The following MAP3K14 variants were observed in gnomAD, a reference collection of about 807,000 sequenced individuals.
MAP3K14 encodes NF-kappa-beta-inducing kinase.
In MAP3K14, 16 loss-of-function variants were observed where a neutral mutation model predicts 99.2. That is an observed-to-expected ratio of 0.16 (90% CI 0.11 to 0.24). MAP3K14 has a LOEUF of 0.24. Among genes scored for constraint, MAP3K14 ranks in the 10% least tolerant of loss-of-function variants. MAP3K14 has a pLI of 1.00. For missense variants in MAP3K14, 784 were observed against 1,208.7 expected (o/e 0.65, Z 5.21); for synonymous variants, 462 against 492.4 (o/e 0.94, Z 0.82).
intron 1 of MAP3K14, among the ~76,000 whole-genome samples, chr17:45,300,086 C>T (rs537399160): frequency 2.0e-4 from 31 of 152,282 alleles, no homozygotes; most frequent in Admixed American, 1.8e-3. Flanking sequence ...GAGACTCCAT[C>T]TCAAAAAAAC....
At chr17:45,309,800 A>C (rs1272480566) in intron 1 of MAP3K14, among the ~76,000 whole-genome samples, 1 of 152,262 alleles carries the variant, frequency 6.6e-6, no homozygotes, top group Admixed American at 6.5e-5. Flanking sequence ...ATTGCTTGAG[A>C]AGATAACCCT....
intron 6 of MAP3K14, among the ~76,000 whole-genome samples, chr17:45,279,943 G>A (rs770847153): frequency 6.6e-6 from 1 of 152,102 alleles, no homozygotes; most frequent in African/African-American, 2.4e-5. Flanking sequence ...TTCTAAACAC[G>A]TGTCCAGGAC....
rs1378642580 is a variant in MAP3K14 at position 45,287,360 on chromosome 17, A to G, written c.331T>C (p.Ser111Pro). 1.2e-6 allele frequency: 2 copies of G among 1,613,720 alleles called. No individual in the cohort carries two copies. Among genetic ancestry groups the G allele is most frequent in the African/African-American group, 2.7e-5 (2 of 74,896 alleles). Residue 111 changes from serine (S) to proline (P), a missense_variant, in exon 4 of 16, where the codon TCC (serine) becomes CCC (proline). By Grantham distance (74) the Ser-to-Pro change is moderately conservative. This residue lies in a region of MAP3K14 where 188 missense variants were observed against 313.0 expected (regional missense o/e 0.60). Coordinates refer to ENST00000344686, the MANE Select transcript of MAP3K14 (RefSeq NM_003954.5). ...FIAGSKQYSQSESLDQIPNNV... is the reference protein window; with the variant it reads ...FIAGSKQYSQPESLDQIPNNV... ...TTGGGGATCTGATCAAGACTCTCGG[A>G]CTGGCTGTCACAAAAGGGACAGATT...
intron 1 of MAP3K14, among the ~76,000 whole-genome samples, chr17:45,305,253 C>T (rs193082873): frequency 4.3e-4 from 66 of 152,038 alleles, no homozygotes; most frequent in Non-Finnish European, 8.1e-4. Context: ...CCCGCCACCA[C>T]GCTCAGCTAA....
intron 8 of MAP3K14, chr17:45,273,820 C>T (rs969043801): frequency 6.0e-6 from 4 of 664,914 alleles, no homozygotes; most frequent in African/African-American, 1.8e-5. Context: ...GGCAAAGGGA[C>T]AGGAGCAGGG....
intron 1 of MAP3K14, among the ~76,000 whole-genome samples, chr17:45,312,103 G>C (rs759993639): frequency 6.6e-6 from 1 of 152,258 alleles, no homozygotes; most frequent in Admixed American, 6.5e-5. Flanking sequence ...GACTTTCTCT[G>C]CAACTGTGCT....
intron 8 of MAP3K14, 57 bp downstream of exon 8, chr17:45,274,066 A>G (rs560763631): frequency 1.3e-6 from 2 of 1,584,842 alleles, no homozygotes; most frequent in Admixed American, 3.4e-5. Flanking sequence ...GAGATCAGAC[A>G]GGATGGTGTG....
At chr17:45,289,475 T>C (rs8073721) in intron 2 of MAP3K14, among the ~76,000 whole-genome samples, 170 bp from the exon 3 acceptor site, 239 of 152,174 alleles carry the variant, frequency 1.6e-3, no homozygotes, top group African/African-American at 5.4e-3. Flanking sequence ...GCACTGTCTC[T>C]CCCCAGCTTC....
At chr17:45,312,914 C>T (rs965760308) in intron 1 of MAP3K14, among the ~76,000 whole-genome samples, 2 of 152,194 alleles carry the variant, frequency 1.3e-5, no homozygotes, top group Admixed American at 6.5e-5. Flanking sequence ...TGCTGATCTA[C>T]ATGCCATACA....
At chr17:45,296,572 G>C (rs1189052826) in intron 1 of MAP3K14, among the ~76,000 whole-genome samples, 1 of 152,162 alleles carries the variant, frequency 6.6e-6, no homozygotes, top group Non-Finnish European at 1.5e-5. Flanking sequence ...CCAAGGGCAA[G>C]TATCAGGCAG....
intron 14 of MAP3K14, 34 bp downstream of exon 14, chr17:45,266,503 G>A (rs773453246): frequency 6.3e-6 from 10 of 1,578,002 alleles, no homozygotes; most frequent in African/African-American, 5.4e-5. Flanking sequence ...CAGCTGCCAC[G>A]GGGACTGCTG....
In MAP3K14 at chr17:45,265,283, A is replaced by C. The variant is rs757872374; in HGVS notation, c.2579-20T>G. 14 of 1,551,666 alleles carry C rather than the reference A, an allele frequency of 9.0e-6. No homozygotes were observed. Among genetic ancestry groups the C allele is most frequent in the Non-Finnish European group, 1.2e-5 (13 of 1,123,090 alleles). On this transcript the variant is annotated intron_variant, in intron 14 of 15. Transcript: ENST00000344686. ...TCACACCTAGAAGGCGGACAAGGTGATAGTCAGGAGAGCGGCTGCTGGCTC... is the reference window on the plus strand; with the variant it reads ...TCACACCTAGAAGGCGGACAAGGTGCTAGTCAGGAGAGCGGCTGCTGGCTC...
intron 1 of MAP3K14, among the ~76,000 whole-genome samples, chr17:45,302,577 C>T (rs1231313203): frequency 4.0e-5 from 6 of 151,394 alleles, no homozygotes; most frequent in African/African-American, 7.3e-5. Context: ...CAAAGTGCTG[C>T]GATTACAGGC....
intron 9 of MAP3K14, among the ~76,000 whole-genome samples, 156 bp downstream of exon 9, chr17:45,273,347 A>G (rs2044154303): frequency 3.9e-5 from 6 of 152,202 alleles, no homozygotes; most frequent in Admixed American, 3.9e-4. Flanking sequence ...ATTTACGCGT[A>G]ACAAAGAAAC....
chr17:45,302,575 T>C (rs1189392182), intron 1 of MAP3K14, among the ~76,000 whole-genome samples: 1 of 152,218 alleles, frequency 6.6e-6, no homozygotes, highest in Non-Finnish European at 1.5e-5. Context: ...CCCAAAGTGC[T>C]GCGATTACAG....
chr17:45,290,726 G>C lies in MAP3K14; in HGVS notation c.20C>G (p.Ala7Gly). The C allele has an allele frequency of 6.2e-7, 1 of 1,613,082 alleles. No homozygotes were observed. The highest frequency in any genetic ancestry group is 8.5e-7 in the Non-Finnish European group (1 of 1,179,542). Residue 7 changes from alanine to glycine, a missense_variant, in exon 2 of 16, where the codon GCC (alanine) becomes GGC (glycine). By Grantham distance (60) the Ala-to-Gly change is moderately conservative. Coordinates refer to ENST00000344686, the MANE Select transcript of MAP3K14 (RefSeq NM_003954.5). ...TGCTGAGCCAGGGGCACCTGGGCAGGCCATTTCCATCACTGCCATCTCCCA... is the reference window on the plus strand; with the variant it reads ...TGCTGAGCCAGGGGCACCTGGGCAGCCCATTTCCATCACTGCCATCTCCCA... Reference protein sequence around the residue: MAVMEMACPGAPGSAVG... With the variant: MAVMEMGCPGAPGSAVG...
chr17:45,306,952 G>A (rs2044435051), intron 1 of MAP3K14, among the ~76,000 whole-genome samples: 1 of 152,174 alleles, frequency 6.6e-6, no homozygotes, highest in Non-Finnish European at 1.5e-5. Context: ...AATGTTTAAT[G>A]TATATTGTAT....
At position 45,286,478 on chromosome 17, in the gene MAP3K14, C is replaced by T. The variant is rs755047086; in HGVS notation, c.1105G>A (p.Glu369Lys). The T allele has an allele frequency of 4.4e-6, 7 of 1,602,920 alleles. No homozygotes were observed. The highest frequency in any genetic ancestry group is 1.3e-5 in the African/African-American group (1 of 74,740). ...TTGTCCTCAGTTTTGGGGCTGGGCT[C>T]CCGGGATCTGGAGCCCCTTGCTGCC... ...TWAARGSRSR[E>K]PSPKTEDNEG... Residue 369 changes from glutamate (E) to lysine (K), a missense_variant, in exon 5 of 16, where the codon GAG becomes AAG. By Grantham distance (56) the Glu-to-Lys change is moderately conservative. Transcript: ENST00000344686. The surrounding 1 kb of genome is among the most constrained non-coding windows in gnomAD (Gnocchi z 4.1).
In MAP3K14 at chr17:45,269,126, C is replaced by T. The variant is rs532516269; in HGVS notation, c.1972+1287G>A. On this transcript the variant is annotated intron_variant, in intron 11 of 15. Coordinates refer to ENST00000344686, the MANE Select transcript of MAP3K14 (RefSeq NM_003954.5). ...CGACCTTCCAGGCTCAAACAATCCT[C>T]TCACCTCCTGAGTAGCTAGGACTAC... 3.1e-3 allele frequency among the ~76,000 whole-genome samples: 476 copies of T among 152,262 alleles called. 3 individuals carry two copies. The highest frequency in any genetic ancestry group is 0.011 in the African/African-American group (453 of 41,548).
Sources: gnomAD v4.1 joint callset for allele counts (sites outside exome capture counted in the v4.1 genomes callset) on GRCh38, gnomAD v4.1.1 for gene constraint, gnomAD v4.1.1 regional missense constraint, Gnocchi (gnomAD v3.1) non-coding constraint, MANE v1.5 for transcripts, NCBI Gene and HGNC (gene_info 2026-07-23, HGNC 2026-07-21) for gene names.